The following TDRD9 variants were observed in gnomAD, a reference collection of about 807,000 sequenced individuals.
TDRD9 encodes the protein tudor domain containing 9, also known as ATP-dependent RNA helicase TDRD9.
A neutral mutation model predicts 172.6 loss-of-function variants in TDRD9; 124 were observed. That is an observed-to-expected ratio of 0.72 (90% CI 0.62 to 0.83). The LOEUF (loss-of-function observed/expected upper bound fraction) is 0.83. Ranked by LOEUF, TDRD9 falls within the 40% of genes least tolerant of loss-of-function variation. The pLI, the probability that TDRD9 is intolerant of heterozygous loss-of-function variation, is 0.00. For synonymous variants in TDRD9, 619 were observed against 617.1 expected, an observed-to-expected ratio of 1.00 and a Z score of -0.05; for missense variants, 1,479 against 1,714.1, an observed-to-expected ratio of 0.86 and a Z score of 2.42.
intron 23 of TDRD9, among the ~76,000 whole-genome samples, chr14:104,019,189 G>A (rs1426427906): frequency 2.6e-5 from 4 of 152,148 alleles, no homozygotes; most frequent in East Asian, 1.9e-4. Flanking sequence ...GTGTGCGTCT[G>A]CTTACCTGGG....
chr14:103,938,431 TATATATATA>T lies in TDRD9; in HGVS notation c.215+9708_215+9716del, dbSNP rs1228889782. 1.2e-4 allele frequency among the ~76,000 whole-genome samples: 8 copies of T among 66,298 alleles called. 1 individual carries two copies. The highest frequency in any genetic ancestry group is 3.3e-4 in the African/African-American group (6 of 17,930). The allele number at this position is 66,298 out of a possible 152,430, so 43.5% of individuals were successfully genotyped here. On this transcript the variant is annotated intron_variant, in intron 1 of 35. Transcript: ENST00000409874. ...GTGTGTGTGTATATATATATATATA[TATATATATA>T]TTTTTTTTTTTTTTTTGAGATGGTG...
intron 34 of TDRD9, among the ~76,000 whole-genome samples, chr14:104,043,675 A>G (rs1026709275): frequency 6.6e-6 from 1 of 152,174 alleles, no homozygotes; most frequent in African/African-American, 2.4e-5. Context: ...CCTGCCCCCA[A>G]AACAAGGGTA....
Position 104,018,104 on chromosome 14 carries a change from C to T in TDRD9, c.2344C>T (p.Pro782Ser). The part of the protein sequence containing the change: ...PKTTVVLKHI[P>S]PYGFLYYKQL... Reference sequence around the variant, plus strand: ...TTATATTTTACAGTTGAAACACATTCCTCCCTATGGATTTCTTTACTATAA... The same window carrying T: ...TTATATTTTACAGTTGAAACACATTTCTCCCTATGGATTTCTTTACTATAA... The change falls in exon 23 of 36, where the codon CCT becomes TCT. Residue 782 changes from proline (P) to serine (S), a missense_variant. Around this residue, in one of 3 missense-constraint regions of TDRD9, gnomAD observed 1,413 missense variants for 1,649.1 expected, o/e 0.86. Coordinates refer to ENST00000409874, the MANE Select transcript of TDRD9 (RefSeq NM_153046.3). The T allele has an allele frequency of 4.4e-6, 7 of 1,593,356 alleles. No individual in the cohort carries two copies. Among genetic ancestry groups the T allele is most frequent in the Non-Finnish European group, 6.0e-6 (7 of 1,163,938 alleles).
At chr14:103,954,445 T>C (rs2032095603) in intron 1 of TDRD9, among the ~76,000 whole-genome samples, 1 of 152,204 alleles carries the variant, frequency 6.6e-6, no homozygotes, top group Admixed American at 6.5e-5. Context: ...GCTATATCTT[T>C]AGTGTTGGAG....
intron 18 of TDRD9, 30 bp from the exon 19 acceptor site, chr14:104,007,130 A>G (rs772706773): frequency 6.2e-6 from 10 of 1,605,816 alleles, no homozygotes; most frequent in Non-Finnish European, 8.5e-6. Flanking sequence ...CCAACACATT[A>G]TTTTGAAAGT....
chr14:103,929,634 C>T (rs147202719), intron 1 of TDRD9, among the ~76,000 whole-genome samples: 3,616 of 152,144 alleles, frequency 0.024, 152 homozygotes, highest in African/African-American at 0.082. Context: ...ATTCTCCTGC[C>T]TCAGCCTCCC....
At chr14:104,038,217 TA>T (rs2035508702) in intron 32 of TDRD9, among the ~76,000 whole-genome samples, 1 of 152,138 alleles carries the variant, frequency 6.6e-6, no homozygotes, top group Non-Finnish European at 1.5e-5. Context: ...GGGGGATCTT[TA>T]AACAACAACA....
chr14:103,947,488 C>T (rs137939874), intron 1 of TDRD9, among the ~76,000 whole-genome samples: 134 of 151,956 alleles, frequency 8.8e-4, no homozygotes, highest in African/African-American at 3.0e-3. Flanking sequence ...CCACCACGCC[C>T]GGCTAATTTT....
chr14:104,006,578 C>G, intron 16 of TDRD9, 24 bp downstream of exon 16: 1 of 1,611,488 alleles, frequency 6.2e-7, no homozygotes, highest in East Asian at 2.2e-5. Context: ...CAAATAAATG[C>G]TAATGGGAAG....
At chr14:104,018,717 A>C (rs181507454) in intron 23 of TDRD9, among the ~76,000 whole-genome samples, 2 of 152,230 alleles carry the variant, frequency 1.3e-5, no homozygotes, top group Non-Finnish European at 2.9e-5. Flanking sequence ...TATTTCTAAC[A>C]GGAAATGTTT....
intron 6 of TDRD9, among the ~76,000 whole-genome samples, chr14:103,971,171 G>C (rs2033008618): frequency 6.6e-6 from 1 of 151,504 alleles, no homozygotes; most frequent in South Asian, 2.1e-4. Context: ...TTTTAGTAGA[G>C]GCGGGGTTTC....
chr14:104,040,945 C>T (rs1295062144), intron 33 of TDRD9, among the ~76,000 whole-genome samples: 2 of 152,234 alleles, frequency 1.3e-5, no homozygotes, highest in East Asian at 3.8e-4. Flanking sequence ...GATCTTTCAT[C>T]GTTATAGTAA....
Position 103,946,029 on chromosome 14 carries a change from G to A in TDRD9, c.216-9635G>A, listed in dbSNP as rs569710639. 1.2e-3 allele frequency among the ~76,000 whole-genome samples: 183 copies of A among 151,506 alleles called. 3 individuals carry two copies. The South Asian group carries it at 0.031, about 26-fold the overall frequency. Reference sequence around the variant, plus strand: ...CACCTAGGCTAGAGTACAGTGGCATGGTCATAGCTCACTGCAGCCTCAGCC... The same window carrying A: ...CACCTAGGCTAGAGTACAGTGGCATAGTCATAGCTCACTGCAGCCTCAGCC... On this transcript the variant is annotated intron_variant, in intron 1 of 35. Coordinates refer to ENST00000409874, the MANE Select transcript of TDRD9 (RefSeq NM_153046.3).
chr14:103,932,648 A>G (rs1357339565), intron 1 of TDRD9, among the ~76,000 whole-genome samples: 3 of 152,010 alleles, frequency 2.0e-5, no homozygotes, highest in Non-Finnish European at 4.4e-5. Flanking sequence ...CGGCCTTCCA[A>G]AGTGCTGGGA....
rs775032696 is a variant in TDRD9, at chr14:104,004,272, C to G, written c.1518C>G (p.Tyr506Ter). ...RAGRVSRGYC[Y>*]RLVHKDFWDN... ...GACGAGTGTCTAGAGGGTACTGTTACCGGCTGGTACACAAGGATTTCTGGG... is the reference window on the plus strand; with the variant it reads ...GACGAGTGTCTAGAGGGTACTGTTAGCGGCTGGTACACAAGGATTTCTGGG... The change falls in exon 14 of 36, where the codon TAC (tyrosine) becomes TAG (stop). Residue 506 changes from tyrosine to a stop codon, truncating the protein, a stop_gained. Transcript: ENST00000409874. LOFTEE classifies it high-confidence loss of function. 21 of 1,603,998 alleles carry G rather than the reference C, an allele frequency of 1.3e-5. No individual in the cohort carries two copies. Among genetic ancestry groups the G allele is most frequent in the Non-Finnish European group, 1.8e-5 (21 of 1,173,040 alleles).
intron 2 of TDRD9, among the ~76,000 whole-genome samples, chr14:103,961,335 A>G (rs1227848762): frequency 6.6e-6 from 1 of 152,122 alleles, no homozygotes; most frequent in South Asian, 2.1e-4. Flanking sequence ...AATCTCAGCA[A>G]TTTGAGAGGC....
At chr14:103,947,468 C>T (rs1054164930) in intron 1 of TDRD9, among the ~76,000 whole-genome samples, 4 of 152,088 alleles carry the variant, frequency 2.6e-5, no homozygotes, top group African/African-American at 9.7e-5. Context: ...GCTGGGACTA[C>T]AGGCGCCCGC....
chr14:104,004,085 A>G (rs1172842287), intron 13 of TDRD9, among the ~76,000 whole-genome samples, 153 bp from the exon 14 acceptor site: 2 of 152,222 alleles, frequency 1.3e-5, no homozygotes, highest in African/African-American at 4.8e-5. Context: ...TTAAGAATAC[A>G]CTAATGTATT....
At chr14:104,024,532 CTTGA>C in intron 24 of TDRD9, 33 bp from the exon 25 acceptor site, 1 of 1,249,652 alleles carries the variant, frequency 8.0e-7, no homozygotes, top group Non-Finnish European at 1.1e-6. Context: ...CTTTGTAAAA[CTTGA>C]TTTTTATTTT....
Sources: allele counts gnomAD v4.1 joint callset (sites outside exome capture counted in the v4.1 genomes callset), GRCh38; gene constraint gnomAD v4.1.1; regional missense constraint gnomAD v4.1.1; transcripts MANE v1.5; gene names NCBI Gene and HGNC (gene_info 2026-07-23, HGNC 2026-07-21).